ITGB4: variants seen among roughly 807,000 people sequenced by gnomAD.
ITGB4 encodes integrin beta-4.
A neutral mutation model predicts 207.6 loss-of-function variants in ITGB4; 159 were observed. The observed-to-expected ratio is 0.77, with a 90% CI of 0.67 to 0.87. The LOEUF is 0.87. Among genes scored for constraint, ITGB4 ranks in the 40% least tolerant of loss-of-function variants. The pLI, the probability that ITGB4 is intolerant of heterozygous loss-of-function variation, is 0.00. For synonymous variants in ITGB4, 1,020 were observed against 1,062.7 expected, an observed-to-expected ratio of 0.96 and a Z score of 0.78; for missense variants, 2,278 against 2,546.8, an observed-to-expected ratio of 0.89 and a Z score of 2.27.
chr17:75,754,779 A>AG lies in ITGB4; in HGVS notation c.4525dup (p.Asp1509GlyfsTer63). 6.2e-7 allele frequency: 1 copy of AG among 1,612,518 alleles called. No homozygotes were observed. Among genetic ancestry groups the AG allele is most frequent in the Non-Finnish European group, 8.5e-7 (1 of 1,178,926 alleles). ...ACACTCACACTCGACCACACTGCCC[A>AG]GGGACTACTCCACCCTCACCTCCGT... On this transcript the variant is annotated frameshift_variant, in exon 34 of 40. Coordinates refer to ENST00000200181, the MANE Select transcript of ITGB4 (RefSeq NM_000213.5). LOFTEE classifies it high-confidence loss of function.
chr17:75,734,816 A>C (rs989600919), intron 13 of ITGB4, among the ~76,000 whole-genome samples: 6 of 152,176 alleles, frequency 3.9e-5, no homozygotes, highest in African/African-American at 1.4e-4. Flanking sequence ...AGAGGGAGGT[A>C]TGAGAGAGGA....
chr17:75,723,842 A>G (rs888635180), intron 1 of ITGB4, among the ~76,000 whole-genome samples: 21 of 152,246 alleles, frequency 1.4e-4, no homozygotes, highest in Admixed American at 9.2e-4. Flanking sequence ...GCAGGCCTGG[A>G]TGGCTCTGCC....
At chr17:75,749,133 A>G in intron 27 of ITGB4, 88 bp downstream of exon 27, 1 of 1,069,900 alleles carries the variant, frequency 9.3e-7, no homozygotes, top group Non-Finnish European at 1.4e-6. Context: ...TAGCAAATCC[A>G]AACACAGGAC....
At position 75,733,550 on chromosome 17, in the gene ITGB4, G is replaced by T. The variant is rs2060909316; in HGVS notation, c.1515G>T (p.Arg505=). ...GSLSDIQPCL[R]EGEDKPCSGR... ...TGAGTGACATTCAGCCCTGCCTGCG[G>T]GAGGGCGAGGACAAGCCGTGCTCCG... Residue 505 remains arginine (R), a synonymous_variant, in exon 13 of 40, where the codon CGG becomes CGT. Transcript: ENST00000200181. The T allele has an allele frequency of 6.2e-7, 1 of 1,613,990 alleles. No individual in the cohort carries two copies. The highest frequency in any genetic ancestry group is 8.5e-7 in the Non-Finnish European group (1 of 1,180,044).
intron 34 of ITGB4, chr17:75,755,351 C>T (rs2061472549): frequency 2.2e-6 from 2 of 926,896 alleles, no homozygotes; most frequent in Admixed American, 2.6e-5. Context: ...CAGGCGCTAA[C>T]CACCTGCCCT....
Position 75,753,835 on chromosome 17 carries a change from C to G in ITGB4, c.4179C>G (p.Pro1393=). ...TGCGGCGCGTCACGTGGCGGCTGCC[C>G]CCGGAGCTCATCCCGCGCCTGTCGG... The part of the protein sequence containing the change: ...LDLRRVTWRL[P]PELIPRLSAS... Residue 1393 remains proline (P), a synonymous_variant, in exon 33 of 40, where the codon CCC becomes CCG. Coordinates refer to ENST00000200181, the MANE Select transcript of ITGB4 (RefSeq NM_000213.5). The G allele has an allele frequency of 6.9e-7, 1 of 1,446,982 alleles. No individual in the cohort carries two copies. The highest frequency in any genetic ancestry group is 9.1e-7 in the Non-Finnish European group (1 of 1,100,474). The allele number at this position is 1,446,982 out of a possible 1,614,324, so 89.6% of individuals were successfully genotyped here.
rs375857348 is a variant in ITGB4 at position 75,757,205 on chromosome 17, T to C, written c.5224T>C (p.Phe1742Leu). 2 of 1,611,512 alleles carry C rather than the reference T, an allele frequency of 1.2e-6. No individual in the cohort carries two copies. Among genetic ancestry groups the C allele is most frequent in the Non-Finnish European group, 1.7e-6 (2 of 1,179,774 alleles). Residue 1742 changes from phenylalanine (F) to leucine (L), a missense_variant, in exon 39 of 40, where the codon TTC becomes CTC. Coordinates refer to ENST00000200181, the MANE Select transcript of ITGB4 (RefSeq NM_000213.5). The stretch of plus-strand genomic sequence containing the variant: ...GGCCTATCTGCCCACCCCAGGACCC[T>C]TCCCGCAGCTGGGCAGCCGTGCCGG... ...ITIESQDGGP[F>L]PQLGSRAGLF...
intron 14 of ITGB4, 65 bp downstream of exon 14, chr17:75,736,219 A>C: frequency 1.3e-6 from 2 of 1,583,974 alleles, no homozygotes; most frequent in Non-Finnish European, 1.7e-6. Context: ...AGAGAACCCT[A>C]TGGAGAGAGG....
rs78884789 is a variant in ITGB4, at chr17:75,756,873, C to T, written c.5053+14C>T. ...CCCAAGGAGGAGGTGCTGCCCACCC[C>T]GGGGGCAGGAGTGGCCAGGGGAGGG... On this transcript the variant is annotated intron_variant, in intron 37 of 39. Coordinates refer to ENST00000200181, the MANE Select transcript of ITGB4 (RefSeq NM_000213.5). The T allele has an allele frequency of 0.014, 22,611 of 1,612,284 alleles. 209 individuals carry two copies. Among genetic ancestry groups the T allele is most frequent in the Non-Finnish European group, 0.017 (20,403 of 1,179,924 alleles).
rs371456397 is a variant in ITGB4 at position 75,730,871 on chromosome 17, G to T, written c.1003-4G>T. 6.2e-7 allele frequency: 1 copy of T among 1,610,856 alleles called. No homozygotes were observed. The highest frequency in any genetic ancestry group is 8.5e-7 in the Non-Finnish European group (1 of 1,178,240). On this transcript the variant is annotated splice_region_variant and splice_polypyrimidine_tract_variant and intron_variant, in intron 8 of 39. Coordinates refer to ENST00000200181, the MANE Select transcript of ITGB4 (RefSeq NM_000213.5). ...AGCCTGAGACCTGGCCTTCTCTCCCGCAGAAGCTTCACACCTATTTCCCTG... is the reference window on the plus strand; with the variant it reads ...AGCCTGAGACCTGGCCTTCTCTCCCTCAGAAGCTTCACACCTATTTCCCTG...
At chr17:75,724,478 C>T (rs575866880) in intron 1 of ITGB4, among the ~76,000 whole-genome samples, 66 of 152,344 alleles carry the variant, frequency 4.3e-4, no homozygotes, top group Admixed American at 2.6e-3. Flanking sequence ...GGGGGCCTCC[C>T]GGGGCAGGGC....
chr17:75,736,019 C>A lies in ITGB4; in HGVS notation c.1658-32C>A, dbSNP rs1235924663. 3.1e-6 allele frequency: 5 copies of A among 1,595,456 alleles called. No homozygotes were observed. In the South Asian group the frequency reaches 4.4e-5, roughly 14 times the overall value. The stretch of plus-strand genomic sequence containing the variant: ...GCCTGGACTACAGGCACAGATGTAG[C>A]TCTCATCTCCCTTCCTTGTCCCTCT... On this transcript the variant is annotated intron_variant, in intron 13 of 39. Coordinates refer to ENST00000200181, the MANE Select transcript of ITGB4 (RefSeq NM_000213.5).
chr17:75,740,046 C>T lies in ITGB4; in HGVS notation c.2421C>T (p.Ala807=), dbSNP rs747484609. Residue 807 remains alanine (A), a synonymous_variant, in exon 20 of 40, where the codon GCC becomes GCT. Transcript: ENST00000200181. This position sits in a 1 kb window ranked among gnomAD's most constrained non-coding sequence, Gnocchi z 5.9. ...NMQRPGFATH[A]ASINPTELVP... ...AGCGGCCTGGCTTTGCCACTCATGCCGCCAGCATCAACCCCACAGAGCTGG... is the reference window on the plus strand; with the variant it reads ...AGCGGCCTGGCTTTGCCACTCATGCTGCCAGCATCAACCCCACAGAGCTGG... 8 of 1,612,674 alleles carry T rather than the reference C, an allele frequency of 5.0e-6. No individual in the cohort carries two copies. Among genetic ancestry groups the T allele is most frequent in the African/African-American group, 1.3e-5 (1 of 75,054 alleles).
rs770001022 is a variant in ITGB4, at chr17:75,755,682, T to C, written c.4559-19T>C. 1.2e-6 allele frequency: 2 copies of C among 1,612,398 alleles called. No homozygotes were observed. Among genetic ancestry groups the C allele is most frequent in the Admixed American group, 3.3e-5 (2 of 59,990 alleles). On this transcript the variant is annotated intron_variant, in intron 34 of 39. Transcript: ENST00000200181. Reference sequence around the variant, plus strand: ...CCTAGCCCCTGCATCTCTGGCTGACTGCGGCCTCCTGTCCCCAGACTCTCG... The same window carrying C: ...CCTAGCCCCTGCATCTCTGGCTGACCGCGGCCTCCTGTCCCCAGACTCTCG...
In ITGB4 at chr17:75,739,652, T is replaced by A; in HGVS notation, c.2221-20T>A. The A allele has an allele frequency of 3.7e-6, 6 of 1,614,038 alleles. No homozygotes were observed. Among genetic ancestry groups the A allele is most frequent in the Non-Finnish European group, 5.1e-6 (6 of 1,179,998 alleles). On this transcript the variant is annotated intron_variant, in intron 18 of 39. Transcript: ENST00000200181. This position sits in a 1 kb window ranked among gnomAD's most constrained non-coding sequence, Gnocchi z 5.4. ...AGGGCAGCTGTCTCAGGCCTCACCCTCACCCACCTTGTCTCCTAGGCCTGC... is the reference window on the plus strand; with the variant it reads ...AGGGCAGCTGTCTCAGGCCTCACCCACACCCACCTTGTCTCCTAGGCCTGC...
chr17:75,757,765 A>C lies in ITGB4; in HGVS notation c.*210A>C, dbSNP rs1157154555. 1.4e-6 allele frequency: 1 copy of C among 711,216 alleles called. No individual in the cohort carries two copies. Among genetic ancestry groups the C allele is most frequent in the Non-Finnish European group, 2.4e-6 (1 of 419,216 alleles). The allele number at this position is 711,216 out of a possible 1,614,324, so 44.1% of individuals were successfully genotyped here. On this transcript the variant is annotated 3_prime_UTR_variant, in exon 40 of 40. Coordinates refer to ENST00000200181, the MANE Select transcript of ITGB4 (RefSeq NM_000213.5). ...TATTTGTAACCAAAGAGCTGGGAGC[A>C]GCACAAGGACCCAGCCTTTGTTCTG...
intron 34 of ITGB4, 72 bp downstream of exon 34, chr17:75,754,887 T>G (rs1372180233): frequency 6.2e-7 from 1 of 1,603,798 alleles, no homozygotes; most frequent in African/African-American, 1.3e-5. Flanking sequence ...GCCTCGGGCT[T>G]CTGTCTGCTG....
chr17:75,753,352 G>A (rs758402580), intron 32 of ITGB4, among the ~76,000 whole-genome samples: 4 of 152,154 alleles, frequency 2.6e-5, no homozygotes, highest in Admixed American at 6.5e-5. Context: ...CCTGCGAAGC[G>A]CTCGGTGGCT....
chr17:75,738,662 C>T (rs775209632), intron 18 of ITGB4, among the ~76,000 whole-genome samples: 2 of 152,224 alleles, frequency 1.3e-5, no homozygotes, highest in Non-Finnish European at 2.9e-5. Context: ...GGGCCCTGCC[C>T]GCCCGCAGCT....
Sources: gnomAD v4.1 joint callset for allele counts (sites outside exome capture counted in the v4.1 genomes callset) on GRCh38, gnomAD v4.1.1 for gene constraint, Gnocchi (gnomAD v3.1) non-coding constraint, MANE v1.5 for transcripts, NCBI Gene and HGNC (gene_info 2026-07-23, HGNC 2026-07-21) for gene names.